The following WWOX variants were observed in gnomAD, a reference collection of about 807,000 sequenced individuals.
The protein encoded by WWOX is WW domain-containing oxidoreductase.
In WWOX, 69 loss-of-function variants were observed where a neutral mutation model predicts 46.2. The observed-to-expected ratio is 1.49, with a 90% CI of 1.23 to 1.82. WWOX has a LOEUF of 1.82. Among genes scored for constraint, WWOX ranks in the 40% most tolerant of loss-of-function variants. The pLI, the probability that WWOX is intolerant of heterozygous loss-of-function variation, is 0.00. For synonymous variants in WWOX, 359 were observed against 202.6 expected (o/e 1.77, Z -6.56); for missense variants, 919 against 542.6 (o/e 1.69, Z -6.89).
Position 79,093,412 on chromosome 16 carries a change from T to C in WWOX, c.1057-118196T>C, listed in dbSNP as rs538975434. Among the ~76,000 whole-genome samples, 13 of 152,354 alleles carry C rather than the reference T, an allele frequency of 8.5e-5. No homozygotes were observed. In the South Asian group the frequency reaches 2.7e-3, roughly 32 times the overall value. ...GATCAAAAAGAAATGTTCAGTGGCT[T>C]ATTGTGACCCAACATTTTTCTGTTT... is the stretch of plus-strand genomic sequence containing the variant. On this transcript the variant is annotated intron_variant, in intron 8 of 8. Coordinates refer to ENST00000566780, the MANE Select transcript of WWOX (RefSeq NM_016373.4).
At chr16:79,052,089 G>C (rs1453870017) in intron 8 of WWOX, among the ~76,000 whole-genome samples, 1 of 148,382 alleles carries the variant, frequency 6.7e-6, no homozygotes, top group Non-Finnish European at 1.5e-5. Flanking sequence ...TGCACGTTGT[G>C]CAGGTTAGTT....
intron 8 of WWOX, among the ~76,000 whole-genome samples, chr16:78,846,129 T>C (rs936704968): frequency 5.3e-5 from 8 of 152,222 alleles, no homozygotes; most frequent in Non-Finnish European, 1.2e-4. Context: ...GGTTGGTTGG[T>C]TTGTTCCAGT....
chr16:79,086,240 T>A (rs1230506121), intron 8 of WWOX, among the ~76,000 whole-genome samples: 1 of 152,254 alleles, frequency 6.6e-6, no homozygotes, highest in Non-Finnish European at 1.5e-5. Flanking sequence ...GAGCATTTTC[T>A]GTCTGAGAAG....
At position 78,261,532 on chromosome 16, in the gene WWOX, T is replaced by C. The variant is rs926918294; in HGVS notation, c.516+97243T>C. Among the ~76,000 whole-genome samples, 21 of 150,712 alleles carry C rather than the reference T, an allele frequency of 1.4e-4. 1 individual carries two copies. The highest frequency in any genetic ancestry group is 3.7e-4 in the African/African-American group (15 of 40,918). On this transcript the variant is annotated intron_variant, in intron 5 of 8. Transcript: ENST00000566780. Reference sequence around the variant, plus strand: ...TTCTGCAGATTTTTTTTTAGTTTTGTATTTCATCTGTGATTGACTGTGTAT... The same window carrying C: ...TTCTGCAGATTTTTTTTTAGTTTTGCATTTCATCTGTGATTGACTGTGTAT...
At chr16:78,880,408 C>G (rs943404943) in intron 8 of WWOX, among the ~76,000 whole-genome samples, 4 of 152,180 alleles carry the variant, frequency 2.6e-5, no homozygotes, top group African/African-American at 7.2e-5. Context: ...TATGCGATTA[C>G]AAAAATGAGT....
chr16:78,467,541 C>T (rs1429194920), intron 8 of WWOX, among the ~76,000 whole-genome samples: 1 of 152,114 alleles, frequency 6.6e-6, no homozygotes, highest in African/African-American at 2.4e-5. Context: ...TTTAAACTGA[C>T]TGTAATGTCT....
chr16:79,132,611 C>T (rs981293402), intron 8 of WWOX, among the ~76,000 whole-genome samples: 9 of 152,014 alleles, frequency 5.9e-5, no homozygotes, highest in Admixed American at 5.2e-4. Context: ...CTCTTTTTCC[C>T]TCAAACATCG....
chr16:78,430,032 C>T (rs548278137), intron 7 of WWOX, among the ~76,000 whole-genome samples: 21 of 152,184 alleles, frequency 1.4e-4, no homozygotes, highest in South Asian at 2.1e-4. Context: ...AAGACATACC[C>T]GAGACCGGGT....
chr16:78,970,166 C>A (rs1597220320), intron 8 of WWOX, among the ~76,000 whole-genome samples: 1 of 152,158 alleles, frequency 6.6e-6, no homozygotes, highest in African/African-American at 2.4e-5. Context: ...GTCACCTCTA[C>A]CCCACACATC....
intron 8 of WWOX, among the ~76,000 whole-genome samples, chr16:78,740,607 G>A (rs566662557): frequency 4.6e-5 from 7 of 152,132 alleles, no homozygotes; most frequent in Non-Finnish European, 8.8e-5. Context: ...ATGGGGCGCC[G>A]TTTCATTTCT....
At chr16:78,750,371 GAAA>G (rs1188591353) in intron 8 of WWOX, among the ~76,000 whole-genome samples, 1 of 152,186 alleles carries the variant, frequency 6.6e-6, no homozygotes, top group Non-Finnish European at 1.5e-5. Flanking sequence ...TTGTGAACCC[GAAA>G]GGATTTCCAT....
intron 3 of WWOX, among the ~76,000 whole-genome samples, chr16:78,111,356 C>T (rs796901151): frequency 2.0e-5 from 3 of 152,128 alleles, no homozygotes; most frequent in African/African-American, 7.2e-5. Flanking sequence ...TAATCATTAG[C>T]TTTTAATATT....
At chr16:79,019,363 C>T (rs2047485328) in intron 8 of WWOX, among the ~76,000 whole-genome samples, 1 of 151,988 alleles carries the variant, frequency 6.6e-6, no homozygotes, top group Non-Finnish European at 1.5e-5. Flanking sequence ...GGTCTAGCCT[C>T]TTGGTCTTAG....
chr16:78,508,752 C>G (rs951746763), intron 8 of WWOX, among the ~76,000 whole-genome samples: 2 of 152,186 alleles, frequency 1.3e-5, no homozygotes, highest in Non-Finnish European at 2.9e-5. Context: ...ATCTGCAGAT[C>G]TGAGCACTAT....
intron 5 of WWOX, among the ~76,000 whole-genome samples, chr16:78,192,054 T>G (rs942463374): frequency 1.3e-5 from 2 of 152,284 alleles, no homozygotes; most frequent in East Asian, 3.9e-4. Flanking sequence ...TATTTCTTTG[T>G]TTATAAAAGA....
chr16:78,342,678 C>T lies in WWOX; in HGVS notation c.517-44182C>T, dbSNP rs1051689995. The stretch of plus-strand genomic sequence containing the variant: ...AACTTATGGCATCAGAATCTGATTC[C>T]CAGGCATGCTTTCCACCATATGCAT... On this transcript the variant is annotated intron_variant, in intron 5 of 8. Coordinates refer to ENST00000566780, the MANE Select transcript of WWOX (RefSeq NM_016373.4). Among the ~76,000 whole-genome samples, 20 of 120,176 alleles carry T rather than the reference C, an allele frequency of 1.7e-4. 6 individuals carry two copies. The highest frequency in any genetic ancestry group is 3.6e-4 in the Non-Finnish European group (18 of 50,346). 78.8% of individuals were successfully genotyped at this position (120,176 alleles called of 152,430 possible). A position where few individuals can be genotyped will look rare whatever the true frequency, so the allele number is the denominator to read the frequency against.
intron 5 of WWOX, among the ~76,000 whole-genome samples, chr16:78,220,667 A>G (rs1259220083): frequency 6.6e-6 from 1 of 152,180 alleles, no homozygotes; most frequent in African/African-American, 2.4e-5. Context: ...AAGTTTAGGG[A>G]CAAGTGAACC....
intron 8 of WWOX, among the ~76,000 whole-genome samples, chr16:78,719,386 C>G (rs1049384679): frequency 5.9e-5 from 9 of 152,274 alleles, no homozygotes; most frequent in Admixed American, 1.3e-4. Flanking sequence ...ATGTGGGATC[C>G]AAGAAGAAAC....
At chr16:78,622,924 A>G (rs1024579289) in intron 8 of WWOX, among the ~76,000 whole-genome samples, 8 of 152,136 alleles carry the variant, frequency 5.3e-5, no homozygotes, top group Non-Finnish European at 1.0e-4. Context: ...TGGCTTTGAA[A>G]AAGTAAGCTG....
Sources: allele counts gnomAD v4.1 joint callset (sites outside exome capture counted in the v4.1 genomes callset), GRCh38; gene constraint gnomAD v4.1.1; transcripts MANE v1.5; gene names NCBI Gene and HGNC (gene_info 2026-07-23, HGNC 2026-07-21).